DGKB: variants seen among roughly 807,000 people sequenced by gnomAD.
DGKB encodes diacylglycerol kinase beta.
DGKB carries 67 observed loss-of-function variants against 114.3 expected under a neutral mutation model. The observed-to-expected ratio is 0.59, with a 90% confidence interval of 0.48 to 0.72. DGKB has a LOEUF of 0.72. Among genes scored for constraint, DGKB ranks in the 30% least tolerant of loss-of-function variants. DGKB has a pLI of 0.00. For synonymous variants in DGKB, 398 were observed against 323.1 expected (o/e 1.23, Z -2.49); for missense variants, 907 against 975.2 (o/e 0.93, Z 0.93).
chr7:14,673,905 G>C (rs1417899742), intron 12 of DGKB, among the ~76,000 whole-genome samples: 1 of 151,974 alleles, frequency 6.6e-6, no homozygotes, highest in African/African-American at 2.4e-5. Context: ...AAGATAACAT[G>C]TTATGTTCAA....
intron 21 of DGKB, among the ~76,000 whole-genome samples, chr7:14,468,573 ATC>A (rs1352604797): frequency 6.7e-6 from 1 of 149,070 alleles, no homozygotes; most frequent in Non-Finnish European, 1.5e-5. Flanking sequence ...TATGTAATAT[ATC>A]TGTTACATAT....
At position 14,973,133 on chromosome 7, in the gene DGKB, A is replaced by C. The variant is rs183542910; in HGVS notation, c.-188+1563T>G. 9.9e-5 allele frequency among the ~76,000 whole-genome samples: 15 copies of C among 152,076 alleles called. No individual in the cohort carries two copies. The East Asian group carries it at 2.9e-3, about 29-fold the overall frequency. On this transcript the variant is annotated intron_variant, in intron 1 of 4. Coordinates refer to the DGKB transcript ENST00000437998. ...TCTCTTACAAGGCAATCAATTTTGAAGTTTTTTCACTAAAAATACAAGTCT... is the reference window on the plus strand; with the variant it reads ...TCTCTTACAAGGCAATCAATTTTGACGTTTTTTCACTAAAAATACAAGTCT...
chr7:14,825,602 C>T (rs370854016), intron 2 of DGKB, among the ~76,000 whole-genome samples: 5 of 152,052 alleles, frequency 3.3e-5, no homozygotes, highest in East Asian at 1.9e-4. Flanking sequence ...CAAGCGATGG[C>T]GAGTGGCTGT....
chr7:14,548,723 G>A (rs1315417631), intron 20 of DGKB, among the ~76,000 whole-genome samples: 1 of 152,092 alleles, frequency 6.6e-6, no homozygotes, highest in African/African-American at 2.4e-5. Flanking sequence ...ACTAGCTATG[G>A]GGAGCATGGG....
At chr7:14,924,268 C>A (rs569450190) in intron 1 of DGKB, among the ~76,000 whole-genome samples, 3 of 152,132 alleles carry the variant, frequency 2.0e-5, no homozygotes, top group Non-Finnish European at 2.9e-5. Context: ...CACTGTCCTA[C>A]GCGTTCTAAT....
In DGKB at chr7:14,932,852, G is replaced by T. The variant is rs186348912; in HGVS notation, c.-188+41844C>A. Among the ~76,000 whole-genome samples the T allele has an allele frequency of 1.6e-3, 240 of 152,218 alleles. 1 individual carries two copies. Among genetic ancestry groups the T allele is most frequent in the African/African-American group, 5.0e-3 (206 of 41,546 alleles). On this transcript the variant is annotated intron_variant, in intron 1 of 4. Coordinates refer to the DGKB transcript ENST00000437998. Reference sequence around the variant, plus strand: ...AACTGGTGTTGGTACCTAGTGGGAGGCTGGGGGAAAAAAGAGGCAGTGAGT... The same window carrying T: ...AACTGGTGTTGGTACCTAGTGGGAGTCTGGGGGAAAAAAGAGGCAGTGAGT...
At chr7:14,510,007 C>T (rs922327302) in intron 20 of DGKB, among the ~76,000 whole-genome samples, 3 of 152,100 alleles carry the variant, frequency 2.0e-5, no homozygotes, top group Non-Finnish European at 4.4e-5. Context: ...AACCCCGTCT[C>T]TACTAAAAAA....
chr7:14,336,437 T>G (rs1006894656), intron 23 of DGKB, among the ~76,000 whole-genome samples: 3 of 152,170 alleles, frequency 2.0e-5, no homozygotes, highest in African/African-American at 7.2e-5. Context: ...ATACTTCTGT[T>G]TTTGCTCATA....
intron 2 of DGKB, among the ~76,000 whole-genome samples, chr7:14,782,846 T>A (rs1234597492): frequency 6.6e-6 from 1 of 152,010 alleles, no homozygotes; most frequent in Non-Finnish European, 1.5e-5. Flanking sequence ...TATATATATT[T>A]TTAAGACAGA....
chr7:14,716,595 G>C (rs918200610), intron 6 of DGKB, among the ~76,000 whole-genome samples: 5 of 152,074 alleles, frequency 3.3e-5, no homozygotes, highest in African/African-American at 9.7e-5. Context: ...CTGACAATTT[G>C]TTTTTAAAAA....
chr7:14,553,389 C>G (rs995016638), intron 20 of DGKB, among the ~76,000 whole-genome samples: 1 of 152,186 alleles, frequency 6.6e-6, no homozygotes, highest in Admixed American at 6.5e-5. Flanking sequence ...TTCTAGTGCT[C>G]TGAAGAGTAT....
At chr7:14,533,672 A>G (rs1439892452) in intron 20 of DGKB, among the ~76,000 whole-genome samples, 1 of 151,916 alleles carries the variant, frequency 6.6e-6, no homozygotes, top group Non-Finnish European at 1.5e-5. Context: ...GAGAATTTTG[A>G]AAGCAATAAC....
chr7:14,480,835 T>C (rs1360891261), intron 20 of DGKB, among the ~76,000 whole-genome samples: 2 of 152,142 alleles, frequency 1.3e-5, no homozygotes, highest in Non-Finnish European at 1.5e-5. Flanking sequence ...TCATTCTCTA[T>C]AGCAATTGGA....
rs920118098 is a variant in DGKB, at chr7:14,937,041, C to T, written c.-188+37655G>A. On this transcript the variant is annotated intron_variant, in intron 1 of 4. Coordinates refer to the DGKB transcript ENST00000437998. Reference sequence around the variant, plus strand: ...TCCATTCACTACACACACACACACACACACACACACACACACACACACACA... The same window carrying T: ...TCCATTCACTACACACACACACACATACACACACACACACACACACACACA... Among the ~76,000 whole-genome samples the T allele has an allele frequency of 7.9e-4, 114 of 144,344 alleles. 1 individual carries two copies. The highest frequency in any genetic ancestry group is 2.8e-3 in the African/African-American group (108 of 38,448). 94.7% of individuals were successfully genotyped at this position (144,344 alleles called of 152,430 possible). A position where few individuals can be genotyped will look rare whatever the true frequency, so the allele number is the denominator to read the frequency against.
chr7:14,235,083 C>A (rs149105833), intron 23 of DGKB, among the ~76,000 whole-genome samples: 2 of 152,144 alleles, frequency 1.3e-5, no homozygotes, highest in South Asian at 2.1e-4. Flanking sequence ...TTTCAGGAAG[C>A]CTTTCTCAGG....
intron 2 of DGKB, among the ~76,000 whole-genome samples, chr7:14,796,059 T>C (rs1020004952): frequency 2.6e-5 from 4 of 152,090 alleles, no homozygotes; most frequent in African/African-American, 9.7e-5. Flanking sequence ...AAAATGGAAG[T>C]AAGAACAAAC....
chr7:14,672,805 A>G (rs1480617922), intron 13 of DGKB, 124 bp downstream of exon 13: 2 of 507,648 alleles, frequency 3.9e-6, no homozygotes, highest in East Asian at 3.0e-5. Context: ...GTAACGACGT[A>G]TTTTAGATCT....
intron 23 of DGKB, among the ~76,000 whole-genome samples, chr7:14,314,583 A>T (rs1806108882): frequency 6.6e-6 from 1 of 152,108 alleles, no homozygotes; most frequent in Non-Finnish European, 1.5e-5. Flanking sequence ...GTTTAGAGAA[A>T]AAAGAATAAA....
chr7:14,777,524 C>T (rs1165446162), intron 2 of DGKB, among the ~76,000 whole-genome samples: 4 of 152,206 alleles, frequency 2.6e-5, no homozygotes, highest in Non-Finnish European at 5.9e-5. Flanking sequence ...CTCAAAAGAT[C>T]TGATGGTTTA....
Sources: gnomAD v4.1 joint callset for allele counts (sites outside exome capture counted in the v4.1 genomes callset) on GRCh38, gnomAD v4.1.1 for gene constraint, MANE v1.5 for transcripts, NCBI Gene and HGNC (gene_info 2026-07-23, HGNC 2026-07-21) for gene names.